Variants in HCRTR2 observed in about 807,000 individuals in gnomAD.
The protein encoded by HCRTR2 is hypocretin receptor 2, also known as orexin receptor type 2.
A neutral mutation model predicts 49.0 loss-of-function variants in HCRTR2; 22 were observed. That is an observed-to-expected ratio of 0.45 (90% CI 0.32 to 0.64). The LOEUF (loss-of-function observed/expected upper bound fraction) is 0.64. Ranked by LOEUF, HCRTR2 falls within the 30% of genes least tolerant of loss-of-function variation. The pLI, the probability that HCRTR2 is intolerant of heterozygous loss-of-function variation, is 0.04. For missense variants in HCRTR2, 491 were observed against 559.4 expected (o/e 0.88, Z 1.23); for synonymous variants, 236 against 205.3 (o/e 1.15, Z -1.28).
intron 1 of HCRTR2, among the ~76,000 whole-genome samples, chr6:55,164,748 A>G (rs955647684): frequency 3.3e-5 from 5 of 151,720 alleles, no homozygotes; most frequent in African/African-American, 9.7e-5. Context: ...CGTTCTGCAC[A>G]TGTATCCCAG....
intron 1 of HCRTR2, among the ~76,000 whole-genome samples, chr6:55,148,869 C>T (rs1443268474): frequency 6.6e-6 from 1 of 152,098 alleles, no homozygotes; most frequent in African/African-American, 2.4e-5. Flanking sequence ...ACAGGTATAA[C>T]TGCATTGCAG....
rs567585428 is a variant in HCRTR2 at position 55,244,495 on chromosome 6, AAG to A, written c.224-4140_224-4139del. On this transcript the variant is annotated intron_variant, in intron 1 of 6. Transcript: ENST00000370862. ...GGAATAGAAAGAATATAATAGAGGA[AAG>A]AGATATTTTGGAGATTTCAAGCATA... is the stretch of plus-strand genomic sequence containing the variant. Among the ~76,000 whole-genome samples, 458 of 152,080 alleles carry A rather than the reference AAG, an allele frequency of 3.0e-3. 4 individuals are homozygous for A. Among genetic ancestry groups the A allele is most frequent in the African/African-American group, 9.0e-3 (375 of 41,542 alleles).
intron 1 of HCRTR2, among the ~76,000 whole-genome samples, chr6:55,202,036 G>A (rs1765521444): frequency 6.6e-6 from 1 of 152,104 alleles, no homozygotes; most frequent in Non-Finnish European, 1.5e-5. Flanking sequence ...AAAATTAAAT[G>A]TAAGTTCCTG....
intron 1 of HCRTR2, among the ~76,000 whole-genome samples, chr6:55,128,292 TGTACCA>T (rs1339129617): frequency 6.6e-6 from 1 of 152,152 alleles, no homozygotes; most frequent in Non-Finnish European, 1.5e-5. Flanking sequence ...TGTCTGTTTA[TGTACCA>T]GTACCATGCT....
chr6:55,224,411 A>T (rs1252035154), intron 1 of HCRTR2, among the ~76,000 whole-genome samples: 1 of 151,950 alleles, frequency 6.6e-6, no homozygotes, highest in African/African-American at 2.4e-5. Flanking sequence ...AGATCAGGAG[A>T]TCCAGACCAT....
At chr6:55,270,033 T>A (rs987630081) in intron 4 of HCRTR2, among the ~76,000 whole-genome samples, 1 of 152,178 alleles carries the variant, frequency 6.6e-6, no homozygotes, top group Non-Finnish European at 1.5e-5. Context: ...AGACATGGAT[T>A]CCATGCAGCA....
At position 55,217,855 on chromosome 6, in the gene HCRTR2, C is replaced by A. The variant is rs141502532; in HGVS notation, c.224-30784C>A. Among the ~76,000 whole-genome samples, 80 of 152,210 alleles carry A rather than the reference C, an allele frequency of 5.3e-4. 1 individual carries two copies. The East Asian group carries it at 0.015, about 29-fold the overall frequency. ...CATTACCCATTTCCAAAGCCACTTG[C>A]ACATTTTTAGGTTGAGCATCAGCCT... is the stretch of plus-strand genomic sequence containing the variant. On this transcript the variant is annotated intron_variant, in intron 1 of 6. Coordinates refer to ENST00000370862, the MANE Select transcript of HCRTR2 (RefSeq NM_001384272.1).
At chr6:55,274,428 A>C (rs2127329306) in intron 4 of HCRTR2, among the ~76,000 whole-genome samples, 1 of 150,898 alleles carries the variant, frequency 6.6e-6, no homozygotes, top group South Asian at 2.1e-4. Context: ...AGTATGTAGA[A>C]GTATAATTGA....
chr6:55,267,974 G>A (rs1218248760), intron 4 of HCRTR2, among the ~76,000 whole-genome samples: 1 of 152,126 alleles, frequency 6.6e-6, no homozygotes, highest in Non-Finnish European at 1.5e-5. Flanking sequence ...TCTGTTATCT[G>A]ATGTAAAGAA....
chr6:55,281,221 C>A (rs1178292638), intron 6 of HCRTR2, among the ~76,000 whole-genome samples: 1 of 152,086 alleles, frequency 6.6e-6, no homozygotes, highest in Non-Finnish European at 1.5e-5. Flanking sequence ...AAAGCTTCTG[C>A]ATCTTCCAAC....
intron 1 of HCRTR2, among the ~76,000 whole-genome samples, chr6:55,210,595 T>C (rs910223373): frequency 6.6e-6 from 1 of 152,060 alleles, no homozygotes; most frequent in African/African-American, 2.4e-5. Context: ...ACATGGAGAA[T>C]AAAATAAGTA....
Position 55,245,469 on chromosome 6 carries a change from T to TTATATATATATATA in HCRTR2, c.224-3146_224-3133dup, listed in dbSNP as rs745939954. On this transcript the variant is annotated intron_variant, in intron 1 of 6. Coordinates refer to ENST00000370862, the MANE Select transcript of HCRTR2 (RefSeq NM_001384272.1). ...TACACATAGAATACATAGGAAGATT[T>TTATATATATATATA]TATATATATATATATATATATATAT... Among the ~76,000 whole-genome samples the TTATATATATATATA allele has an allele frequency of 4.7e-3, 265 of 56,634 alleles. 6 individuals carry two copies. The highest frequency in any genetic ancestry group is 0.017 in the Admixed American group (77 of 4,664). The allele number at this position is 56,634 out of a possible 152,430, so 37.2% of individuals were successfully genotyped here.
At chr6:55,217,804 TC>T (rs1765816569) in intron 1 of HCRTR2, among the ~76,000 whole-genome samples, 1 of 152,186 alleles carries the variant, frequency 6.6e-6, no homozygotes, top group African/African-American at 2.4e-5. Context: ...TTTTGCCTGC[TC>T]CTCCAAACCC....
At chr6:55,284,550 A>C (rs1190791439), downstream of HCRTR2, among the ~76,000 whole-genome samples, 1 of 152,150 alleles carries the variant, frequency 6.6e-6, no homozygotes, top group Non-Finnish European at 1.5e-5. Context: ...TGTGAAATAA[A>C]GTCTTTTACT....
chr6:55,224,453 T>TA (rs57961518), intron 1 of HCRTR2, among the ~76,000 whole-genome samples: 52,277 of 149,234 alleles, frequency 0.35, 9,960 homozygotes, highest in African/African-American at 0.51. Flanking sequence ...CCATCTCCAC[T>TA]AAAAAAAAAT....
chr6:55,270,514 A>T (rs1045019402), intron 4 of HCRTR2, among the ~76,000 whole-genome samples: 1 of 152,174 alleles, frequency 6.6e-6, no homozygotes, highest in African/African-American at 2.4e-5. Flanking sequence ...CTAATCCCAA[A>T]ACCTAAAATT....
intron 3 of HCRTR2, 49 bp from the exon 4 acceptor site, chr6:55,263,658 A>G: frequency 1.1e-6 from 1 of 945,614 alleles, no homozygotes; most frequent in Non-Finnish European, 1.7e-6. Flanking sequence ...CTTTTTTAAA[A>G]GTCCATCAAT....
At chr6:55,200,736 C>T (rs1395963901) in intron 1 of HCRTR2, among the ~76,000 whole-genome samples, 2 of 152,174 alleles carry the variant, frequency 1.3e-5, no homozygotes, top group East Asian at 1.9e-4. Flanking sequence ...TGCTTCTTGT[C>T]TGCAATTACA....
chr6:55,154,709 T>C (rs1477133504), intron 1 of HCRTR2, among the ~76,000 whole-genome samples: 1 of 143,972 alleles, frequency 6.9e-6, no homozygotes, highest in Non-Finnish European at 1.6e-5. Flanking sequence ...GATAAATAAA[T>C]AAATAAATAT....
Sources: gnomAD v4.1 joint callset for allele counts (sites outside exome capture counted in the v4.1 genomes callset) on GRCh38, gnomAD v4.1.1 for gene constraint, MANE v1.5 for transcripts, NCBI Gene and HGNC (gene_info 2026-07-23, HGNC 2026-07-21) for gene names.